TNIK: variants seen among roughly 807,000 people sequenced by gnomAD.
TNIK encodes the protein TRAF2 and NCK interacting kinase.
A neutral mutation model predicts 191.3 loss-of-function variants in TNIK; 49 were observed. The ratio of observed to expected loss-of-function variants is 0.26; its 90% CI spans 0.20 to 0.32. The LOEUF (loss-of-function observed/expected upper bound fraction) is 0.32. Ranked by LOEUF, TNIK falls within the 10% of genes least tolerant of loss-of-function variation. TNIK has a pLI of 1.00. For synonymous variants in TNIK, 594 were observed against 600.9 expected (o/e 0.99, Z 0.17); for missense variants, 1,155 against 1,702.3 (o/e 0.68, Z 5.66).
rs1001685371 is a variant in TNIK at position 171,228,291 on chromosome 3, A to C, written c.124-70T>G. 6.3e-6 allele frequency: 10 copies of C among 1,581,952 alleles called. No homozygotes were observed. In the South Asian group the frequency reaches 1.0e-4, roughly 16 times the overall value. On this transcript the variant is annotated intron_variant, in intron 2 of 32. Coordinates refer to ENST00000436636, the MANE Select transcript of TNIK (RefSeq NM_015028.4). The stretch of plus-strand genomic sequence containing the variant: ...ATAGTAGCATTCAATTCCAACAATA[A>C]AGAAAAATTGCTTGGATCAGTGCTG...
intron 2 of TNIK, among the ~76,000 whole-genome samples, chr3:171,314,848 C>T (rs1169401015): frequency 6.6e-6 from 1 of 152,084 alleles, no homozygotes; most frequent in East Asian, 1.9e-4. Flanking sequence ...CAGGCCGCAC[C>T]CCATACTCAT....
In TNIK at chr3:171,085,194, G is replaced by T. The variant is rs933373617; in HGVS notation, c.2922C>A (p.Thr974=). 2.5e-6 allele frequency: 4 copies of T among 1,611,468 alleles called. No individual in the cohort carries two copies. The highest frequency in any genetic ancestry group is 1.7e-5 in the Admixed American group (1 of 59,766). Residue 974 remains threonine, a synonymous_variant, in exon 25 of 33, where the codon ACC becomes ACA. Transcript: ENST00000436636. ...GMGSSTKASF[T]PFVDPRVYQT... ...GGTATACTCTGGGGTCCACAAAGGG[G>T]GTGAAGGAGGCTTTGGTGCTGCTCC...
At chr3:171,092,782 C>T (rs142916226) in intron 23 of TNIK, among the ~76,000 whole-genome samples, 5 of 152,270 alleles carry the variant, frequency 3.3e-5, no homozygotes, top group South Asian at 2.1e-4. Context: ...TTCTTTCTTA[C>T]GAAAGTGAGA....
intron 2 of TNIK, among the ~76,000 whole-genome samples, chr3:171,296,971 T>C (rs951137142): frequency 3.3e-5 from 5 of 151,854 alleles, no homozygotes; most frequent in Admixed American, 3.3e-4. Context: ...AAGAACTTAA[T>C]TTTTTTTCCT....
intron 2 of TNIK, among the ~76,000 whole-genome samples, chr3:171,356,981 C>T (rs1714177615): frequency 6.6e-6 from 1 of 152,142 alleles, no homozygotes; most frequent in Non-Finnish European, 1.5e-5. Context: ...TCTCTGATAT[C>T]AAAAGTGTGC....
At chr3:171,183,921 T>TAAAAAA (rs11437224) in intron 7 of TNIK, among the ~76,000 whole-genome samples, 1 of 86,360 alleles carries the variant, frequency 1.2e-5, no homozygotes, top group Non-Finnish European at 2.2e-5. Context: ...GACTCCGTCT[T>TAAAAAA]AAAAAAAAAA....
At chr3:171,405,206 G>A (rs1176003538) in intron 1 of TNIK, among the ~76,000 whole-genome samples, 1 of 151,992 alleles carries the variant, frequency 6.6e-6, no homozygotes, top group Admixed American at 6.6e-5. Context: ...CTCAAGTCGG[G>A]GAAAACTCCC....
At chr3:171,087,795 A>T (rs1721561540) in intron 23 of TNIK, among the ~76,000 whole-genome samples, 1 of 152,212 alleles carries the variant, frequency 6.6e-6, no homozygotes, top group African/African-American at 2.4e-5. Context: ...ACAAAAAGGG[A>T]GGGACTGAGC....
chr3:171,207,766 C>T (rs1205561563), intron 4 of TNIK, among the ~76,000 whole-genome samples: 1 of 152,106 alleles, frequency 6.6e-6, no homozygotes, highest in Non-Finnish European at 1.5e-5. Flanking sequence ...CTCATGCCAC[C>T]CCATCATATC....
intron 2 of TNIK, among the ~76,000 whole-genome samples, chr3:171,249,987 C>A (rs1194943152): frequency 6.6e-6 from 1 of 152,158 alleles, no homozygotes; most frequent in Admixed American, 6.5e-5. Context: ...CTACTACCAC[C>A]CCCATTATAC....
intron 2 of TNIK, among the ~76,000 whole-genome samples, chr3:171,315,209 G>A (rs900183159): frequency 5.9e-5 from 9 of 152,004 alleles, no homozygotes; most frequent in Non-Finnish European, 1.3e-4. Context: ...TATCCCCCTT[G>A]GCCACAGTGA....
chr3:171,430,850 G>A (rs1725286999), intron 1 of TNIK, among the ~76,000 whole-genome samples: 1 of 151,980 alleles, frequency 6.6e-6, no homozygotes, highest in South Asian at 2.1e-4. Flanking sequence ...AAATATAGTT[G>A]AGTTTTCAGA....
intron 1 of TNIK, among the ~76,000 whole-genome samples, chr3:171,391,562 C>A (rs1719510717): frequency 6.6e-6 from 1 of 152,166 alleles, no homozygotes; most frequent in African/African-American, 2.4e-5. Context: ...ATATACTTAT[C>A]TTCACATAAA....
At chr3:171,219,300 TTA>T (rs1034029321) in intron 3 of TNIK, among the ~76,000 whole-genome samples, 1 of 144,590 alleles carries the variant, frequency 6.9e-6, no homozygotes, top group East Asian at 2.0e-4. Flanking sequence ...ATATATCATT[TTA>T]TATATATAAT....
rs569549456 is a variant in TNIK at position 171,132,875 on chromosome 3, C to T, written c.1609-3997G>A. On this transcript the variant is annotated intron_variant, in intron 15 of 32. Transcript: ENST00000436636. Reference sequence around the variant, plus strand: ...GAATTAATACATGGTGAATTCAACACAATCATATGGGTATTCTCTTTTTTT... The same window carrying T: ...GAATTAATACATGGTGAATTCAACATAATCATATGGGTATTCTCTTTTTTT... Among the ~76,000 whole-genome samples the T allele has an allele frequency of 6.6e-5, 10 of 152,296 alleles. No homozygotes were observed. The South Asian group carries it at 1.9e-3, about 28-fold the overall frequency.
intron 1 of TNIK, among the ~76,000 whole-genome samples, chr3:171,409,624 C>G (rs961465640): frequency 2.6e-5 from 4 of 151,540 alleles, no homozygotes; most frequent in Admixed American, 2.0e-4. Flanking sequence ...CCTCTATAAC[C>G]CCCATTACCT....
intron 2 of TNIK, among the ~76,000 whole-genome samples, chr3:171,337,218 G>T (rs1260587787): frequency 1.3e-5 from 2 of 152,204 alleles, no homozygotes; most frequent in African/African-American, 4.8e-5. Context: ...CTCATGCCAG[G>T]CAGGAAGTTC....
chr3:171,369,756 A>G lies in TNIK; in HGVS notation c.58-71T>C. The G allele has an allele frequency of 3.2e-6, 4 of 1,255,256 alleles. No homozygotes were observed. The South Asian group carries it at 5.5e-5, about 17-fold the overall frequency. The allele number at this position is 1,255,256 out of a possible 1,614,324, so 77.8% of individuals were successfully genotyped here. On this transcript the variant is annotated intron_variant, in intron 1 of 32. Coordinates refer to ENST00000436636, the MANE Select transcript of TNIK (RefSeq NM_015028.4). ...GGCATTGCCTTAATCAAAAGCAAAT[A>G]CTTATTTAAATTAAGCAAATAAATA...
intron 4 of TNIK, among the ~76,000 whole-genome samples, chr3:171,205,748 C>T (rs1577116097): frequency 6.6e-6 from 1 of 152,192 alleles, no homozygotes; most frequent in South Asian, 2.1e-4. Flanking sequence ...ATGGCTCTCC[C>T]ACCTAATGCA....
Sources: allele counts gnomAD v4.1 joint callset (sites outside exome capture counted in the v4.1 genomes callset), GRCh38; gene constraint gnomAD v4.1.1; transcripts MANE v1.5; gene names NCBI Gene and HGNC (gene_info 2026-07-23, HGNC 2026-07-21).